The following TEAD4 variants were observed in gnomAD, a reference collection of about 807,000 sequenced individuals.
The protein encoded by TEAD4 is transcriptional enhancer factor TEF-3.
In TEAD4, 36 loss-of-function variants were observed where a neutral mutation model predicts 52.4. The observed-to-expected ratio is 0.69, with a 90% CI of 0.53 to 0.91. The LOEUF is 0.91. Among genes scored for constraint, TEAD4 ranks in the 40% least tolerant of loss-of-function variants. The pLI is 0.00. For missense variants in TEAD4, 508 were observed against 583.9 expected (o/e 0.87, Z 1.34); for synonymous variants, 220 against 231.0 (o/e 0.95, Z 0.43).
At chr12:3,032,002 TGGCAGCGTGG>T (rs2098275890) in intron 10 of TEAD4, among the ~76,000 whole-genome samples, 1 of 152,308 alleles carries the variant, frequency 6.6e-6, no homozygotes, top group South Asian at 2.1e-4. Flanking sequence ...CAGCAGGCAG[TGGCAGCGTGG>T]GGAGAGCAGA....
chr12:3,022,172 G>A (rs1381677878), intron 10 of TEAD4, among the ~76,000 whole-genome samples, 155 bp downstream of exon 10: 1 of 152,174 alleles, frequency 6.6e-6, no homozygotes, highest in Non-Finnish European at 1.5e-5. Flanking sequence ...GCTATGGGAT[G>A]GTTGGAGCTG....
At chr12:2,963,401 C>T (rs1269272094) in intron 2 of TEAD4, among the ~76,000 whole-genome samples, 4 of 152,208 alleles carry the variant, frequency 2.6e-5, no homozygotes, top group African/African-American at 9.6e-5. Context: ...GTGAGGGTGG[C>T]TTTACCTTGC....
At position 3,037,954 on chromosome 12, in the gene TEAD4, C is replaced by T. The variant is rs1382876171; in HGVS notation, c.898-14C>T. ...CTGCTGACACTCCCTCGCCTTCCCA[C>T]TGTCTCCCTCCAGGCAGACCTCAAC... On this transcript the variant is annotated splice_polypyrimidine_tract_variant and intron_variant, in intron 10 of 12. Transcript: ENST00000359864. The T allele has an allele frequency of 8.1e-6, 13 of 1,606,716 alleles. No homozygotes were observed. The highest frequency in any genetic ancestry group is 1.1e-5 in the Non-Finnish European group (13 of 1,174,732).
At position 3,038,040 on chromosome 12, in the gene TEAD4, G is replaced by C; in HGVS notation, c.970G>C (p.Glu324Gln). 6.2e-7 allele frequency: 1 copy of C among 1,614,146 alleles called. No individual in the cohort carries two copies. The highest frequency in any genetic ancestry group is 8.5e-7 in the Non-Finnish European group (1 of 1,179,996). Residue 324 changes from glutamate (E) to glutamine (Q), a missense_variant, in exon 11 of 13, where the codon GAG becomes CAG. Glu to Gln is a conservative substitution (Grantham distance 29, BLOSUM62 2). Coordinates refer to ENST00000359864, the MANE Select transcript of TEAD4 (RefSeq NM_003213.4). ...GGTCTCCAGCCAGTATGAGAGCCCC[G>C]AGAACATGATCATCACCTGCTCCAC...
At chr12:2,985,421 G>A (rs775200245) in intron 2 of TEAD4, among the ~76,000 whole-genome samples, 1 of 147,398 alleles carries the variant, frequency 6.8e-6, no homozygotes, top group South Asian at 2.2e-4. Flanking sequence ...ACCCAAAAAC[G>A]CAAACACATC....
chr12:2,999,526 A>T (rs112201326), intron 3 of TEAD4, among the ~76,000 whole-genome samples: 2,299 of 152,252 alleles, frequency 0.015, 57 homozygotes, highest in African/African-American at 0.052. Flanking sequence ...CGGCAGATTA[A>T]CACCTGCTAT....
intron 2 of TEAD4, among the ~76,000 whole-genome samples, chr12:2,962,315 AATAT>A (rs1200828213): frequency 0.033 from 3,884 of 118,868 alleles, 211 homozygotes; most frequent in African/African-American, 0.11. Flanking sequence ...TAAATATATA[AATAT>A]ATATATAAAT....
intron 2 of TEAD4, among the ~76,000 whole-genome samples, chr12:2,967,151 A>C (rs1327341095): frequency 1.3e-5 from 2 of 152,172 alleles, no homozygotes; most frequent in Admixed American, 1.3e-4. Context: ...TAATATATGT[A>C]CATTGTAGGA....
chr12:2,992,052 T>A (rs1261673128), intron 2 of TEAD4, among the ~76,000 whole-genome samples: 1 of 138,846 alleles, frequency 7.2e-6, no homozygotes, highest in African/African-American at 2.6e-5. Context: ...GGAGTCTCGC[T>A]CTGTCGCCCA....
In TEAD4 at chr12:2,964,253, C is replaced by G. The variant is rs534308118; in HGVS notation, c.-30+4213C>G. 1.1e-3 allele frequency among the ~76,000 whole-genome samples: 165 copies of G among 152,338 alleles called. 1 individual carries two copies. Among genetic ancestry groups the G allele is most frequent in the African/African-American group, 3.5e-3 (145 of 41,564 alleles). On this transcript the variant is annotated intron_variant, in intron 2 of 12. Transcript: ENST00000359864. ...TCGCCCCTGCCAGGACTTGGTCTTC[C>G]CCTTCCCCTCAAGCCCCTGAGATGT...
At chr12:2,984,620 G>A (rs1250065503) in intron 2 of TEAD4, among the ~76,000 whole-genome samples, 3 of 152,140 alleles carry the variant, frequency 2.0e-5, no homozygotes, top group Non-Finnish European at 4.4e-5. Context: ...AAACCTAGAT[G>A]GTATAGCCTA....
At chr12:3,015,233 C>A (rs1201052904) in intron 5 of TEAD4, among the ~76,000 whole-genome samples, 1 of 152,168 alleles carries the variant, frequency 6.6e-6, no homozygotes, top group South Asian at 2.1e-4. Context: ...TGCGTCTCCC[C>A]CGACCCCTTG....
intron 3 of TEAD4, among the ~76,000 whole-genome samples, chr12:3,003,824 C>T (rs2098253642): frequency 6.6e-6 from 1 of 152,228 alleles, no homozygotes; most frequent in African/African-American, 2.4e-5. Context: ...TCCTCCTTCC[C>T]CAGCCTGTGT....
chr12:3,009,637 T>C (rs1393131069), intron 3 of TEAD4, among the ~76,000 whole-genome samples: 1 of 152,154 alleles, frequency 6.6e-6, no homozygotes, highest in Non-Finnish European at 1.5e-5. Flanking sequence ...TAGTTAGACC[T>C]GGGGTAGAAC....
At chr12:3,033,047 CGCCTCTCCCGGA>C (rs1430487647) in intron 10 of TEAD4, among the ~76,000 whole-genome samples, 1 of 152,108 alleles carries the variant, frequency 6.6e-6, no homozygotes, top group Non-Finnish European at 1.5e-5. Flanking sequence ...GAAACGGTGT[CGCCTCTCCCGGA>C]GCCTTTCTTT....
In TEAD4 at chr12:3,040,394, C is replaced by A. The variant is rs771970936; in HGVS notation, c.1221C>A (p.Thr407=). 2 of 1,614,190 alleles carry A rather than the reference C, an allele frequency of 1.2e-6. No homozygotes were observed. The highest frequency in any genetic ancestry group is 2.7e-5 in the African/African-American group (2 of 75,050). ...TCACCAACAGAGACACACAGGAGACCTTGCTGTGCATTGCCTATGTCTTTG... is the reference window on the plus strand; with the variant it reads ...TCACCAACAGAGACACACAGGAGACATTGCTGTGCATTGCCTATGTCTTTG... Residue 407 remains threonine (T), a synonymous_variant, in exon 13 of 13, where the codon ACC becomes ACA. Coordinates refer to ENST00000359864, the MANE Select transcript of TEAD4 (RefSeq NM_003213.4).
chr12:2,996,281 C>A (rs2153955517), intron 3 of TEAD4, among the ~76,000 whole-genome samples: 1 of 152,316 alleles, frequency 6.6e-6, no homozygotes, highest in African/African-American at 2.4e-5. Context: ...GTGCCACCCC[C>A]ACCATTGTTG....
intron 2 of TEAD4, among the ~76,000 whole-genome samples, chr12:2,969,871 T>C (rs1204949059): frequency 1.3e-5 from 2 of 152,176 alleles, no homozygotes; most frequent in East Asian, 3.9e-4. Context: ...TGGCTATCAG[T>C]GCAGACTCCA....
intron 3 of TEAD4, among the ~76,000 whole-genome samples, chr12:2,999,299 T>A (rs1277254739): frequency 6.6e-6 from 1 of 151,758 alleles, no homozygotes; most frequent in Non-Finnish European, 1.5e-5. Flanking sequence ...TTCTCCCCCC[T>A]CACTTCCCTG....
Sources: allele counts gnomAD v4.1 joint callset (sites outside exome capture counted in the v4.1 genomes callset), GRCh38; gene constraint gnomAD v4.1.1; transcripts MANE v1.5; gene names NCBI Gene and HGNC (gene_info 2026-07-23, HGNC 2026-07-21).